Variants in KDM5A observed in about 807,000 individuals in gnomAD.
The protein encoded by KDM5A is lysine demethylase 5A.
In KDM5A, 42 loss-of-function variants were observed where a neutral mutation model predicts 193.5. The ratio of observed to expected loss-of-function variants is 0.22; its 90% CI spans 0.17 to 0.28. The LOEUF (loss-of-function observed/expected upper bound fraction) is 0.28. Among genes scored for constraint, KDM5A ranks in the 10% least tolerant of loss-of-function variants. The pLI, the probability that KDM5A is intolerant of heterozygous loss-of-function variation, is 1.00. For synonymous variants in KDM5A, 796 were observed against 718.1 expected (o/e 1.11, Z -1.73); for missense variants, 1,692 against 2,055.1 (o/e 0.82, Z 3.42).
chr12:309,868 G>T lies in KDM5A; in HGVS notation c.3313C>A (p.Leu1105Met). The change falls in exon 22 of 28, where the codon CTG (leucine) becomes ATG (methionine). Residue 1105 changes from leucine (L) to methionine (M), a missense_variant. Leu to Met is a conservative substitution (Grantham distance 15). This residue lies in a region of KDM5A where 965 missense variants were observed against 1,061.0 expected (regional missense o/e 0.91). Coordinates refer to ENST00000399788, the MANE Select transcript of KDM5A (RefSeq NM_001042603.3). ...ELIEKEKEKD[L>M]DLEPLSDLEE... is the part of the protein sequence containing the mutation. ...AGATCACTCAGAGGCTCCAGGTCCA[G>T]ATCCTTTTCTTTTTCTTTTTCTATT... The T allele has an allele frequency of 3.7e-6, 6 of 1,613,854 alleles. No homozygotes were observed. The highest frequency in any genetic ancestry group is 5.1e-6 in the Non-Finnish European group (6 of 1,179,950).
At chr12:369,810 A>C (rs1944403614) in intron 3 of KDM5A, among the ~76,000 whole-genome samples, 1 of 152,162 alleles carries the variant, frequency 6.6e-6, no homozygotes, top group African/African-American at 2.4e-5. Flanking sequence ...CCAATACAAT[A>C]ATCACTCTGA....
intron 2 of KDM5A, among the ~76,000 whole-genome samples, chr12:385,425 T>C (rs1206642485): frequency 6.6e-6 from 1 of 151,886 alleles, no homozygotes; most frequent in Admixed American, 6.6e-5. Flanking sequence ...TAAAAAATAA[T>C]ACTTAAAGTA....
intron 11 of KDM5A, 58 bp from the exon 12 acceptor site, chr12:333,707 ATCTGAT>A (rs1224008313): frequency 6.8e-7 from 1 of 1,473,168 alleles, no homozygotes; most frequent in Non-Finnish European, 9.5e-7. Context: ...AGGCTAGGGT[ATCTGAT>A]TCCAATCCAC....
At chr12:299,239 A>G (rs951971294) in intron 24 of KDM5A, among the ~76,000 whole-genome samples, 2 of 152,232 alleles carry the variant, frequency 1.3e-5, no homozygotes, top group Admixed American at 6.5e-5. Flanking sequence ...CCCAAGACAC[A>G]TAACTGTCAG....
Position 284,451 on chromosome 12 carries a change from C to T in KDM5A, c.*1005G>A, listed in dbSNP as rs1393790251. On this transcript the variant is annotated 3_prime_UTR_variant, in exon 28 of 28. Transcript: ENST00000399788. ...GCTGTGGGCCGTAGTTAGAAATCAC[C>T]AGTGTTGGAAACAGCAGACATTGGG... 1 of 232,224 alleles carries T rather than the reference C, an allele frequency of 4.3e-6. No homozygotes were observed. Among genetic ancestry groups the T allele is most frequent in the Non-Finnish European group, 8.5e-6 (1 of 117,380 alleles). 14.4% of individuals were successfully genotyped at this position (232,224 alleles called of 1,614,324 possible).
chr12:302,170 T>C (rs1015512689), intron 24 of KDM5A, among the ~76,000 whole-genome samples: 1 of 152,174 alleles, frequency 6.6e-6, no homozygotes, highest in Non-Finnish European at 1.5e-5. Context: ...TGGAAAAAAC[T>C]ACTTTGAATT....
At chr12:341,756 T>A (rs933537871) in intron 10 of KDM5A, among the ~76,000 whole-genome samples, 2 of 151,880 alleles carry the variant, frequency 1.3e-5, no homozygotes, top group African/African-American at 4.8e-5. Context: ...AAAAATTAGC[T>A]GGGTGTGGTA....
chr12:298,094 G>T (rs1205344928), intron 24 of KDM5A, among the ~76,000 whole-genome samples: 1 of 152,240 alleles, frequency 6.6e-6, no homozygotes, highest in Admixed American at 6.5e-5. Context: ...GAGCACCTGG[G>T]GGAAGGGGCG....
At chr12:325,940 G>C (rs968155813) in intron 14 of KDM5A, among the ~76,000 whole-genome samples, 4 of 152,174 alleles carry the variant, frequency 2.6e-5, no homozygotes, top group Non-Finnish European at 5.9e-5. Flanking sequence ...CTTGAACCCA[G>C]GGGGCAGAGG....
At chr12:329,096 C>T (rs1243711981) in intron 13 of KDM5A, 67 bp from the exon 14 acceptor site, 2 of 1,267,476 alleles carry the variant, frequency 1.6e-6, no homozygotes, top group Admixed American at 3.4e-5. Flanking sequence ...CCACTACTTA[C>T]CCTCCAGGTC....
intron 17 of KDM5A, among the ~76,000 whole-genome samples, chr12:321,939 G>A (rs1565533235): frequency 6.6e-6 from 1 of 152,010 alleles, no homozygotes; most frequent in South Asian, 2.1e-4. Context: ...AGGGGATGGG[G>A]GAGAAAAGAC....
At position 323,211 on chromosome 12, in the gene KDM5A, A is replaced by C. The variant is rs1943741616; in HGVS notation, c.2151-5T>G. On this transcript the variant is annotated splice_polypyrimidine_tract_variant and splice_region_variant and intron_variant, in intron 15 of 27. Transcript: ENST00000399788. ...TCTTCTAATGGGTAGCGATATCTACAAAAAAAAAAAAAAAAAAAAAAAAAA... is the reference window on the plus strand; with the variant it reads ...TCTTCTAATGGGTAGCGATATCTACCAAAAAAAAAAAAAAAAAAAAAAAAA... 1.0e-6 allele frequency: 1 copy of C among 1,001,274 alleles called. No individual in the cohort carries two copies. The highest frequency in any genetic ancestry group is 1.2e-6 in the Non-Finnish European group (1 of 831,388). 62.0% of individuals were successfully genotyped at this position (1,001,274 alleles called of 1,614,324 possible).
chr12:382,954 T>C (rs565436153), intron 3 of KDM5A, among the ~76,000 whole-genome samples: 1 of 151,632 alleles, frequency 6.6e-6, no homozygotes, highest in African/African-American at 2.4e-5. Context: ...AAAAAACATA[T>C]CTCAAGGTTA....
chr12:355,222 G>T lies in KDM5A; in HGVS notation c.806C>A (p.Thr269Asn), dbSNP rs201849793. 150 of 1,611,890 alleles carry T rather than the reference G, an allele frequency of 9.3e-5. 1 individual carries two copies. The highest frequency in any genetic ancestry group is 2.0e-4 in the East Asian group (9 of 44,860). ...EDEVTRRRKV[T>N]NRSDAFNMQM... is the part of the protein sequence containing the mutation. ...CATGTTAAATGCGTCTGACCTGTTGGTAACTTTTCGTCTTCGGGTGACCTC... is the reference window on the plus strand; with the variant it reads ...CATGTTAAATGCGTCTGACCTGTTGTTAACTTTTCGTCTTCGGGTGACCTC... Residue 269 changes from threonine to asparagine, a missense_variant, in exon 7 of 28, where the codon ACC (threonine) becomes AAC (asparagine). This residue lies in a region of KDM5A where 134 missense variants were observed against 124.2 expected (regional missense o/e 1.08). Transcript: ENST00000399788.
At position 316,598 on chromosome 12, in the gene KDM5A, A is replaced by T. The variant is rs577357952; in HGVS notation, c.2897+1508T>A. Among the ~76,000 whole-genome samples, 11 of 152,314 alleles carry T rather than the reference A, an allele frequency of 7.2e-5. No individual in the cohort carries two copies. The East Asian group carries it at 2.1e-3, about 29-fold the overall frequency. On this transcript the variant is annotated intron_variant, in intron 19 of 27. Transcript: ENST00000399788. The stretch of plus-strand genomic sequence containing the variant: ...ACCACGAAATTTCATTTGGTGGCCT[A>T]CTACCAGGTGCGCCACGTTTATCAA...
chr12:363,771 T>C (rs1320304237), intron 4 of KDM5A, among the ~76,000 whole-genome samples: 1 of 151,394 alleles, frequency 6.6e-6, no homozygotes, highest in Admixed American at 6.6e-5. Flanking sequence ...AAAAAAGAAA[T>C]AAAAAAATGG....
chr12:289,907 C>CTTTTTTTTTTTTTTTTTTTTTTTT (rs750918968), intron 27 of KDM5A, among the ~76,000 whole-genome samples: 33 of 99,630 alleles, frequency 3.3e-4, no homozygotes, highest in East Asian at 1.3e-3. Flanking sequence ...TTCTTTCTTT[C>CTTTTTTTTTTTTTTTTTTTTTTTT]TTTTTTTTTT....
intron 8 of KDM5A, among the ~76,000 whole-genome samples, chr12:353,806 C>A (rs919438714): frequency 6.6e-6 from 1 of 151,854 alleles, no homozygotes; most frequent in African/African-American, 2.4e-5. Context: ...CCTGTAGTCC[C>A]AGCTACTTCG....
intron 26 of KDM5A, 112 bp downstream of exon 26, chr12:295,461 G>C: frequency 9.9e-7 from 1 of 1,011,966 alleles, no homozygotes; most frequent in East Asian, 2.4e-5. Flanking sequence ...TGGGAAAGTA[G>C]ACCAGCCAGA....
Sources: allele counts gnomAD v4.1 joint callset (sites outside exome capture counted in the v4.1 genomes callset), GRCh38; gene constraint gnomAD v4.1.1; regional missense constraint gnomAD v4.1.1; transcripts MANE v1.5; gene names NCBI Gene and HGNC (gene_info 2026-07-23, HGNC 2026-07-21).